SPATA13: variants seen among roughly 807,000 people sequenced by gnomAD.
The protein encoded by SPATA13 is spermatogenesis-associated protein 13.
Under a neutral mutation model 104.0 loss-of-function variants are expected in SPATA13, and 50 were observed. The ratio of observed to expected loss-of-function variants is 0.48; its 90% CI spans 0.38 to 0.61. The LOEUF is 0.61. Ranked by LOEUF, SPATA13 falls within the 20% of genes least tolerant of loss-of-function variation. SPATA13 has a pLI of 0.00. For synonymous variants in SPATA13, 606 were observed against 667.5 expected, an observed-to-expected ratio of 0.91 and a Z score of 1.42; for missense variants, 1,524 against 1,690.6, an observed-to-expected ratio of 0.90 and a Z score of 1.73.
intron 3 of SPATA13, among the ~76,000 whole-genome samples, chr13:24,112,014 A>C (rs1196281320): frequency 6.6e-6 from 1 of 152,200 alleles, no homozygotes; most frequent in Non-Finnish European, 1.5e-5. Context: ...CTTGTTCTTG[A>C]CAGTTGGCAA....
At chr13:24,236,554 C>G (rs1009265459) in intron 2 of SPATA13, among the ~76,000 whole-genome samples, 6 of 150,092 alleles carry the variant, frequency 4.0e-5, no homozygotes, top group African/African-American at 1.5e-4. Context: ...CAATATTGCG[C>G]CACTGCACTC....
intron 4 of SPATA13, among the ~76,000 whole-genome samples, chr13:24,265,532 T>C (rs1435859124): frequency 6.6e-6 from 1 of 152,228 alleles, no homozygotes; most frequent in Non-Finnish European, 1.5e-5. Flanking sequence ...TGCAGCCCCG[T>C]CTCAGCTGTG....
intron 1 of SPATA13, among the ~76,000 whole-genome samples, chr13:24,164,039 T>C (rs192670026): frequency 6.6e-6 from 1 of 152,214 alleles, no homozygotes; most frequent in African/African-American, 2.4e-5. Flanking sequence ...TAGAAAGAAC[T>C]ATCATTGTTA....
chr13:24,191,414 T>C (rs905457295), intron 1 of SPATA13, among the ~76,000 whole-genome samples: 1 of 152,080 alleles, frequency 6.6e-6, no homozygotes, highest in Non-Finnish European at 1.5e-5. Flanking sequence ...TATTTCGATA[T>C]TTGTTTTATT....
At position 24,223,488 on chromosome 13, in the gene SPATA13, G is replaced by A. The variant is rs1266310923; in HGVS notation, c.559G>A (p.Glu187Lys). ...GGGCACATTGGATGGCTCCGACCTC[G>A]AGGACACGGACGATGCCTTCCAGCG... ...EWGTLDGSDL[E>K]DTDDAFQRST... Residue 187 changes from glutamate to lysine, a missense_variant, in exon 2 of 13, where the codon GAG becomes AAG. This residue lies in a region of SPATA13 where 1,089 missense variants were observed against 1,135.9 expected (regional missense o/e 0.96). Transcript: ENST00000382108. The A allele has an allele frequency of 2.6e-6, 4 of 1,548,770 alleles. No homozygotes were observed. Among genetic ancestry groups the A allele is most frequent in the East Asian group, 4.9e-5 (2 of 40,916 alleles).
chr13:24,060,694 G>A (rs1878741211), intron 3 of SPATA13, among the ~76,000 whole-genome samples: 1 of 113,584 alleles, frequency 8.8e-6, no homozygotes, highest in South Asian at 2.8e-4. Context: ...TCTGACAAAG[G>A]TCTAATATCC....
intron 1 of SPATA13, among the ~76,000 whole-genome samples, chr13:24,179,634 C>G (rs960050602): frequency 2.0e-5 from 3 of 152,136 alleles, no homozygotes; most frequent in African/African-American, 7.2e-5. Flanking sequence ...CCCCTGGCAA[C>G]CTCTATTTTA....
chr13:23,989,706 G>A (rs1360958397), intron 2 of SPATA13, among the ~76,000 whole-genome samples: 2 of 152,094 alleles, frequency 1.3e-5, no homozygotes, highest in Non-Finnish European at 2.9e-5. Flanking sequence ...ATTGCCATGG[G>A]CGGAAAGTTT....
At chr13:23,986,875 C>A (rs1875170661) in intron 2 of SPATA13, among the ~76,000 whole-genome samples, 1 of 152,124 alleles carries the variant, frequency 6.6e-6, no homozygotes, top group Admixed American at 6.5e-5. Context: ...AGATTGGAAA[C>A]ATCATGGGAT....
intron 4 of SPATA13, chr13:24,270,652 A>C: frequency 1.7e-6 from 2 of 1,197,116 alleles, no homozygotes; most frequent in Non-Finnish European, 2.3e-6. Flanking sequence ...TGTAGCCACT[A>C]ACCCTTGGTC....
Position 24,290,508 on chromosome 13 carries a change from C to T in SPATA13, c.2848-144C>T, listed in dbSNP as rs572742325. On this transcript the variant is annotated intron_variant, in intron 8 of 12. Transcript: ENST00000382108. ...CATGGCAGGGCAGCTTGGGTGCCAG[C>T]GGATTTCATGCCCTGTCCTTCTTGC... 376 of 670,882 alleles carry T rather than the reference C, an allele frequency of 5.6e-4. 1 individual carries two copies. Among genetic ancestry groups the T allele is most frequent in the Non-Finnish European group, 8.9e-4 (339 of 382,250 alleles). The allele number at this position is 670,882 out of a possible 1,614,324, so 41.6% of individuals were successfully genotyped here.
chr13:24,186,927 A>T (rs1262188766), intron 1 of SPATA13, among the ~76,000 whole-genome samples: 2 of 152,216 alleles, frequency 1.3e-5, no homozygotes, highest in Admixed American at 1.3e-4. Flanking sequence ...CACACTTAAC[A>T]TGCTGTTTAG....
At chr13:24,096,874 A>T (rs767041583) in intron 3 of SPATA13, among the ~76,000 whole-genome samples, 1 of 152,278 alleles carries the variant, frequency 6.6e-6, no homozygotes, top group African/African-American at 2.4e-5. Flanking sequence ...CACACAGAGG[A>T]CTGTGACCTC....
Position 24,221,915 on chromosome 13 carries a change from C to T in SPATA13, c.-111-904C>T, listed in dbSNP as rs890216964. ...GCAACTTCTGTCTCCCAGGTTCAAG[C>T]GATTCTCCTGCTTCAGCCTCCCGAG... On this transcript the variant is annotated intron_variant, in intron 1 of 12. Coordinates refer to ENST00000382108, the MANE Select transcript of SPATA13 (RefSeq NM_001166271.3). Among the ~76,000 whole-genome samples, 5 of 150,316 alleles carry T rather than the reference C, an allele frequency of 3.3e-5. No individual in the cohort carries two copies. In the South Asian group the frequency reaches 6.3e-4, roughly 19 times the overall value.
At chr13:24,153,953 T>C (rs969541643) in intron 3 of SPATA13, among the ~76,000 whole-genome samples, 3 of 152,218 alleles carry the variant, frequency 2.0e-5, no homozygotes, top group Non-Finnish European at 4.4e-5. Context: ...AGGACATTTA[T>C]GTATGTTCTC....
At chr13:24,041,549 A>G (rs2137729129) in intron 3 of SPATA13, among the ~76,000 whole-genome samples, 1 of 152,408 alleles carries the variant, frequency 6.6e-6, no homozygotes, top group East Asian at 1.9e-4. Flanking sequence ...GTCAAAGGTT[A>G]AACGATGTTG....
intron 3 of SPATA13, among the ~76,000 whole-genome samples, chr13:24,139,633 A>G (rs1881685887): frequency 6.6e-6 from 1 of 152,236 alleles, no homozygotes; most frequent in South Asian, 2.1e-4. Flanking sequence ...TAGTTACTAA[A>G]CACCAACTGG....
In SPATA13 at chr13:24,104,249, T is replaced by TG. The variant is rs1880362911; in HGVS notation, c.-112+86548_-112+86549insG. On this transcript the variant is annotated intron_variant, in intron 3 of 14. Coordinates refer to the SPATA13 transcript ENST00000424834. ...GTAAAGCTAGAATGGGTTTTTTTTT[T>TG]TTGTTTTTTGGGTTTTTTTGGAAAG... 2.0e-5 allele frequency among the ~76,000 whole-genome samples: 3 copies of TG among 151,924 alleles called. 1 individual carries two copies. The highest frequency in any genetic ancestry group is 7.3e-5 in the African/African-American group (3 of 41,318).
At chr13:24,289,240 C>T in intron 8 of SPATA13, 62 bp downstream of exon 8, 1 of 1,357,378 alleles carries the variant, frequency 7.4e-7, no homozygotes, top group South Asian at 1.3e-5. Flanking sequence ...AGTGCATCTC[C>T]ACAGAAAACA....
Sources: gnomAD v4.1 joint callset for allele counts (sites outside exome capture counted in the v4.1 genomes callset) on GRCh38, gnomAD v4.1.1 for gene constraint, gnomAD v4.1.1 regional missense constraint, MANE v1.5 for transcripts, NCBI Gene and HGNC (gene_info 2026-07-23, HGNC 2026-07-21) for gene names.